Variants in LCMT1 observed in about 807,000 individuals in gnomAD.
LCMT1 encodes the protein leucine carboxyl methyltransferase 1, also known as [Phosphatase 2A protein]-leucine-carboxy methyltransferase 1.
LCMT1 carries 32 observed loss-of-function variants against 47.7 expected under a neutral mutation model. That is an observed-to-expected ratio of 0.67 (90% CI 0.51 to 0.90). The LOEUF (loss-of-function observed/expected upper bound fraction) is 0.90. Among genes scored for constraint, LCMT1 ranks in the 40% least tolerant of loss-of-function variants. The pLI is 0.00. For synonymous variants in LCMT1, 152 were observed against 149.7 expected, an observed-to-expected ratio of 1.02 and a Z score of -0.11; for missense variants, 375 against 415.2, an observed-to-expected ratio of 0.90 and a Z score of 0.84.
intron 5 of LCMT1, among the ~76,000 whole-genome samples, chr16:25,154,195 G>A (rs1567322345): frequency 6.6e-6 from 1 of 151,042 alleles, no homozygotes; most frequent in Non-Finnish European, 1.5e-5. Flanking sequence ...TGTATTTTTA[G>A]TAGAGACAGG....
chr16:25,119,889 G>A (rs1329553746), intron 1 of LCMT1, among the ~76,000 whole-genome samples: 2 of 152,012 alleles, frequency 1.3e-5, no homozygotes, highest in Non-Finnish European at 2.9e-5. Context: ...GGCCAGGCAC[G>A]GTGGCTCATG....
chr16:25,157,526 A>G (rs542376034), intron 5 of LCMT1, among the ~76,000 whole-genome samples: 3 of 152,236 alleles, frequency 2.0e-5, no homozygotes, highest in African/African-American at 7.2e-5. Context: ...GGGTGATACA[A>G]TGCAACGCTG....
intron 7 of LCMT1, 97 bp downstream of exon 7, chr16:25,164,815 T>G: frequency 6.6e-7 from 1 of 1,522,034 alleles, no homozygotes; most frequent in Non-Finnish European, 9.1e-7. Flanking sequence ...ATCCTTTTCC[T>G]TCTGCCTCCA....
Position 25,151,633 on chromosome 16 carries a change from G to A in LCMT1, c.466+18G>A, listed in dbSNP as rs1425700294. On this transcript the variant is annotated intron_variant, in intron 5 of 10. Coordinates refer to ENST00000399069, the MANE Select transcript of LCMT1 (RefSeq NM_016309.3). ...TCAGATGGGCAAGTATCAAGCTAAT[G>A]CAAAATGGACTGTATCAGTATTTTT... is the stretch of plus-strand genomic sequence containing the variant. 32 of 1,605,566 alleles carry A rather than the reference G, an allele frequency of 2.0e-5. No homozygotes were observed. Among genetic ancestry groups the A allele is most frequent in the Non-Finnish European group, 2.7e-5 (32 of 1,173,642 alleles).
rs1446739035 is a variant in LCMT1 at position 25,175,008 on chromosome 16, G to A, written c.956G>A (p.Trp319Ter). Reference protein sequence around the residue: ...EQLMRHYCLCWATKGGNELGL... With the variant: ...EQLMRHYCLC ...CTCATGCGGCATTACTGCCTTTGCTGGGCAACCAAAGGAGGAAATGAGCTT... is the reference window on the plus strand; with the variant it reads ...CTCATGCGGCATTACTGCCTTTGCTAGGCAACCAAAGGAGGAAATGAGCTT... The change falls in exon 10 of 11, where the codon TGG becomes TAG. Residue 319 changes from tryptophan (W) to a stop codon, truncating the protein, a stop_gained. Coordinates refer to ENST00000399069, the MANE Select transcript of LCMT1 (RefSeq NM_016309.3). LOFTEE classifies it high-confidence loss of function. The A allele has an allele frequency of 6.2e-7, 1 of 1,608,664 alleles. No individual in the cohort carries two copies. Among genetic ancestry groups the A allele is most frequent in the Admixed American group, 1.7e-5 (1 of 59,770 alleles).
chr16:25,168,984 C>G (rs986155091), intron 7 of LCMT1, 128 bp from the exon 8 acceptor site: 3 of 684,198 alleles, frequency 4.4e-6, no homozygotes, highest in Admixed American at 4.5e-5. Context: ...CCCCTCAGTC[C>G]GTTTCCTATG....
At chr16:25,175,205 G>A (rs547919871) in intron 10 of LCMT1, among the ~76,000 whole-genome samples, 171 bp downstream of exon 10, 2 of 152,198 alleles carry the variant, frequency 1.3e-5, no homozygotes, top group East Asian at 3.9e-4. Context: ...GCAGTGGCAC[G>A]GTCATAGCTC....
intron 10 of LCMT1, among the ~76,000 whole-genome samples, chr16:25,175,882 T>G (rs1412437510): frequency 6.6e-6 from 1 of 152,198 alleles, no homozygotes; most frequent in East Asian, 1.9e-4. Flanking sequence ...AGAGAACTGT[T>G]TAAGCCTTGT....
intron 5 of LCMT1, among the ~76,000 whole-genome samples, chr16:25,155,928 C>T (rs1037045279): frequency 2.6e-5 from 4 of 152,326 alleles, no homozygotes; most frequent in East Asian, 3.9e-4. Context: ...ACAATCCTCC[C>T]GCCTCGACCT....
At chr16:25,130,331 C>A (rs554105406) in intron 2 of LCMT1, among the ~76,000 whole-genome samples, 1 of 97,084 alleles carries the variant, frequency 1.0e-5, no homozygotes, top group Non-Finnish European at 2.1e-5. Flanking sequence ...CAGAGCAATA[C>A]TCCATCTCAA....
rs1446865047 is a variant in LCMT1 at position 25,161,983 on chromosome 16, T to C, written c.569+779T>C. ...AAATGTAACAGCTGACAATATCAAG[T>C]GTTGACAAGGATGTGGGGGATAGGG... On this transcript the variant is annotated intron_variant, in intron 6 of 10. Transcript: ENST00000399069. 2.0e-5 allele frequency among the ~76,000 whole-genome samples: 3 copies of C among 152,110 alleles called. No homozygotes were observed. The East Asian group carries it at 5.8e-4, about 29-fold the overall frequency.
intron 3 of LCMT1, among the ~76,000 whole-genome samples, chr16:25,136,323 G>T (rs1346341413): frequency 1.3e-5 from 2 of 151,758 alleles, no homozygotes; most frequent in Non-Finnish European, 2.9e-5. Context: ...TGTGGCAGCT[G>T]TTCCCAGTCT....
At chr16:25,117,094 G>A (rs139627506) in intron 1 of LCMT1, among the ~76,000 whole-genome samples, 1 of 152,234 alleles carries the variant, frequency 6.6e-6, no homozygotes, top group Non-Finnish European at 1.5e-5. Flanking sequence ...TTTATCCTAA[G>A]GGATTTTGAG....
intron 4 of LCMT1, among the ~76,000 whole-genome samples, chr16:25,149,628 C>T (rs1288773509): frequency 1.3e-5 from 2 of 152,134 alleles, no homozygotes; most frequent in African/African-American, 4.8e-5. Flanking sequence ...AGTTACCTGG[C>T]CTTGCCCAGG....
Position 25,136,292 on chromosome 16 carries a change from G to A in LCMT1, c.327+3769G>A, listed in dbSNP as rs769779626. Among the ~76,000 whole-genome samples the A allele has an allele frequency of 5.7e-4, 86 of 151,354 alleles. 2 individuals carry two copies. Among genetic ancestry groups the A allele is most frequent in the Admixed American group, 1.3e-4 (2 of 15,174 alleles). On this transcript the variant is annotated intron_variant, in intron 3 of 10. Transcript: ENST00000399069. The stretch of plus-strand genomic sequence containing the variant: ...GGTCAGCCATGTCGAGTCCCCTTTG[G>A]GTGCCCCATTCCTCCTGCCCTGTGG...
Position 25,112,497 on chromosome 16 carries a change from G to C in LCMT1, c.113+501G>C, listed in dbSNP as rs139688589. Reference sequence around the variant, plus strand: ...GCCAGTACCGCACTAAGTCTCCACTGTTAAGGGTGTGGTGGTGGGGATGGG... The same window carrying C: ...GCCAGTACCGCACTAAGTCTCCACTCTTAAGGGTGTGGTGGTGGGGATGGG... On this transcript the variant is annotated intron_variant, in intron 1 of 10. Coordinates refer to ENST00000399069, the MANE Select transcript of LCMT1 (RefSeq NM_016309.3). Among the ~76,000 whole-genome samples, 53 of 152,366 alleles carry C rather than the reference G, an allele frequency of 3.5e-4. 1 individual carries two copies. The highest frequency in any genetic ancestry group is 6.8e-4 in the Non-Finnish European group (46 of 68,034).
intron 6 of LCMT1, among the ~76,000 whole-genome samples, chr16:25,163,131 G>A (rs1961482313): frequency 6.6e-6 from 1 of 152,192 alleles, no homozygotes; most frequent in South Asian, 2.1e-4. Context: ...CAAAGTGTTG[G>A]AATTAACAGG....
intron 10 of LCMT1, among the ~76,000 whole-genome samples, chr16:25,176,370 C>T (rs780238782): frequency 2.6e-5 from 4 of 151,878 alleles, no homozygotes; most frequent in Admixed American, 6.6e-5. Flanking sequence ...GCAGCTGATC[C>T]GAAACAGAAC....
intron 6 of LCMT1, among the ~76,000 whole-genome samples, chr16:25,163,043 G>T (rs1961477818): frequency 6.6e-6 from 1 of 152,140 alleles, no homozygotes; most frequent in Non-Finnish European, 1.5e-5. Context: ...TTTAATTTTT[G>T]TAGAGACAAG....
Sources: allele counts gnomAD v4.1 joint callset (sites outside exome capture counted in the v4.1 genomes callset), GRCh38; gene constraint gnomAD v4.1.1; transcripts MANE v1.5; gene names NCBI Gene and HGNC (gene_info 2026-07-23, HGNC 2026-07-21).